The following NARS1 variants were observed in gnomAD, a reference collection of about 807,000 sequenced individuals.
NARS1 encodes the protein asparagine--tRNA ligase, cytoplasmic.
A neutral mutation model predicts 79.2 loss-of-function variants in NARS1; 65 were observed. That is an observed-to-expected ratio of 0.82 (90% CI 0.67 to 1.01). The LOEUF (loss-of-function observed/expected upper bound fraction) is 1.01. NARS1 is among the 50% of genes least tolerant of loss of function. NARS1 has a pLI of 0.00. For synonymous variants in NARS1, 229 were observed against 238.8 expected (o/e 0.96, Z 0.38); for missense variants, 649 against 673.8 (o/e 0.96, Z 0.41).
In NARS1 at chr18:57,602,453, C is replaced by T. The variant is rs199534815; in HGVS notation, c.1417G>A (p.Val473Met). 31 of 1,613,952 alleles carry T rather than the reference C, an allele frequency of 1.9e-5. No individual in the cohort carries two copies. In the East Asian group the frequency reaches 4.0e-4, roughly 21 times the overall value. ...DVLMPNVGEIVGGSMRIFDSE... is the reference protein window; with the variant it reads ...DVLMPNVGEIMGGSMRIFDSE... ...TCAAAGATACGCATTGAGCCTCCCA[C>T]AATCTCACCAACATTGGGCATCAAC... is the stretch of plus-strand genomic sequence containing the variant. Residue 473 changes from valine to methionine, a missense_variant, in exon 13 of 14, where the codon GTG becomes ATG. Physicochemically the swap from Val to Met is conservative, Grantham distance 21 (BLOSUM62 1). Coordinates refer to ENST00000256854, the MANE Select transcript of NARS1 (RefSeq NM_004539.4).
At chr18:57,601,866 GA>G in intron 13 of NARS1, 83 bp from the exon 14 acceptor site, 1 of 1,455,586 alleles carries the variant, frequency 6.9e-7, no homozygotes, top group Non-Finnish European at 9.5e-7. Context: ...TTTCCACCAT[GA>G]AAGGAGTTAG....
chr18:57,619,014 T>C (rs1908178141), intron 2 of NARS1, among the ~76,000 whole-genome samples: 1 of 152,210 alleles, frequency 6.6e-6, no homozygotes, highest in African/African-American at 2.4e-5. Flanking sequence ...AGATTAGGAC[T>C]TGATAGTAAC....
rs1006621318 is a variant in NARS1 at position 57,609,439 on chromosome 18, T to G, written c.497A>C (p.Gln166Pro). The change falls in exon 7 of 14, where the codon CAG (glutamine) becomes CCG (proline). Residue 166 changes from glutamine to proline, a missense_variant. Coordinates refer to ENST00000256854, the MANE Select transcript of NARS1 (RefSeq NM_004539.4). Reference sequence around the variant, plus strand: ...GGACAAGAGAACTCCATTGTAGCACTGACACTATAAAAAGGTCAAAGCTCA... The same window carrying G: ...GGACAAGAGAACTCCATTGTAGCACGGACACTATAAAAAGGTCAAAGCTCA... ...LQCVLADELC[Q>P]CYNGVLLSTE... The G allele has an allele frequency of 3.7e-6, 6 of 1,612,836 alleles. No individual in the cohort carries two copies. The highest frequency in any genetic ancestry group is 5.1e-6 in the Non-Finnish European group (6 of 1,179,386).
intron 2 of NARS1, among the ~76,000 whole-genome samples, chr18:57,618,374 T>C (rs1016532321): frequency 6.6e-6 from 1 of 151,898 alleles, no homozygotes; most frequent in African/African-American, 2.4e-5. Context: ...TCGTTCGGAA[T>C]TCACTTATTA....
In NARS1 at chr18:57,606,978, G is replaced by A. The variant is rs1013428055; in HGVS notation, c.1001+156C>T. The A allele has an allele frequency of 3.2e-5, 30 of 944,498 alleles. No individual in the cohort carries two copies. In the Admixed American group the frequency reaches 3.8e-4, roughly 12 times the overall value. The allele number at this position is 944,498 out of a possible 1,614,324, so 58.5% of individuals were successfully genotyped here. ...AAGTGAAAAAAGAGAACTTAGCTAC[G>A]ATCTAAGGTGGCAAAACTTTGTTAT... On this transcript the variant is annotated intron_variant, in intron 9 of 13. Transcript: ENST00000256854.
intron 11 of NARS1, among the ~76,000 whole-genome samples, chr18:57,603,529 A>T (rs891383042): frequency 6.6e-6 from 1 of 152,262 alleles, no homozygotes; most frequent in African/African-American, 2.4e-5. Flanking sequence ...CACCTGGAAT[A>T]GTTACCCAAA....
chr18:57,615,063 C>T (rs776642711), intron 4 of NARS1, among the ~76,000 whole-genome samples: 1 of 151,914 alleles, frequency 6.6e-6, no homozygotes, highest in Non-Finnish European at 1.5e-5. Flanking sequence ...TGCCTGTGGT[C>T]CCCCCTACTT....
chr18:57,615,682 T>C lies in NARS1; in HGVS notation c.301A>G (p.Ile101Val). The change falls in exon 4 of 14, where the codon ATT becomes GTT. Residue 101 changes from isoleucine (I) to valine (V), a missense_variant. Physicochemically the swap from Ile to Val is conservative, Grantham distance 29 (BLOSUM62 3). Coordinates refer to ENST00000256854, the MANE Select transcript of NARS1 (RefSeq NM_004539.4). ...AGACTTGGATCATTTTTAATGGTAA[T>C]CTTCTTTGCTTCTTCCAGGTTCTTT... ...REKNLEEAKK[I>V]TIKNDPSLPE... is the part of the protein sequence containing the mutation. 1.2e-6 allele frequency: 2 copies of C among 1,613,094 alleles called. No homozygotes were observed. Among genetic ancestry groups the C allele is most frequent in the Non-Finnish European group, 1.7e-6 (2 of 1,179,658 alleles).
intron 2 of NARS1, among the ~76,000 whole-genome samples, chr18:57,618,527 C>T (rs1275435917): frequency 6.6e-6 from 1 of 152,170 alleles, no homozygotes; most frequent in Non-Finnish European, 1.5e-5. Flanking sequence ...TTCATCTAAA[C>T]GGTGTTGTCA....
intron 10 of NARS1, 93 bp downstream of exon 10, chr18:57,606,523 C>G: frequency 7.9e-7 from 1 of 1,267,156 alleles, no homozygotes. Context: ...TTCAGCTCAC[C>G]AAGCCATCAA....
At chr18:57,613,451 C>T in intron 5 of NARS1, 151 bp downstream of exon 5, 1 of 635,832 alleles carries the variant, frequency 1.6e-6, no homozygotes. Context: ...CGAGATAGCA[C>T]CACTGCACTC....
intron 5 of NARS1, among the ~76,000 whole-genome samples, chr18:57,612,737 G>A (rs2051614997): frequency 6.6e-6 from 1 of 152,074 alleles, no homozygotes; most frequent in East Asian, 1.9e-4. Flanking sequence ...CACCTGGCCT[G>A]TCCCACTTTT....
Position 57,619,900 on chromosome 18 carries a change from C to G in NARS1, c.93+669G>C, listed in dbSNP as rs371205031. ...CCAGGATTTCACCAAGTTGCCCAAG[C>G]TGGTCTCAAACTCCTGCGCTGAAGC... On this transcript the variant is annotated intron_variant, in intron 2 of 13. Transcript: ENST00000256854. Among the ~76,000 whole-genome samples the G allele has an allele frequency of 2.0e-5, 3 of 152,230 alleles. No individual in the cohort carries two copies. In the East Asian group the frequency reaches 5.8e-4, roughly 29 times the overall value.
rs1908319118 is a variant in NARS1 at position 57,621,818 on chromosome 18, C to G, written c.-101G>C. On this transcript the variant is annotated 5_prime_UTR_variant, in exon 1 of 14. The change abolishes an upstream ATG in the 5' untranslated region. Transcript: ENST00000256854. ...GGCGGTTTCCGCGATTCCGGCGTTG[C>G]ATCAGAGAGCGTAGATCTGAGGGCG... is the stretch of plus-strand genomic sequence containing the variant. 1 of 1,589,430 alleles carries G rather than the reference C, an allele frequency of 6.3e-7. No individual in the cohort carries two copies. Among genetic ancestry groups the G allele is most frequent in the Non-Finnish European group, 8.5e-7 (1 of 1,170,850 alleles).
chr18:57,606,985 G>T, intron 9 of NARS1, 149 bp downstream of exon 9: 2 of 982,776 alleles, frequency 2.0e-6, no homozygotes, highest in Non-Finnish European at 3.0e-6. Flanking sequence ...TACGATCTAA[G>T]GTGGCAAAAC....
chr18:57,621,242 C>T (rs890472449), intron 1 of NARS1, among the ~76,000 whole-genome samples: 16 of 151,666 alleles, frequency 1.1e-4, no homozygotes, highest in Non-Finnish European at 2.4e-4. Flanking sequence ...TAACATCCAT[C>T]CAGGTCTCTC....
At chr18:57,610,448 G>C (rs2051595718) in intron 6 of NARS1, among the ~76,000 whole-genome samples, 1 of 152,122 alleles carries the variant, frequency 6.6e-6, no homozygotes, top group Non-Finnish European at 1.5e-5. Flanking sequence ...CTCCAGCATG[G>C]GTGACAGAGC....
At chr18:57,617,957 T>C (rs1442529852) in intron 2 of NARS1, among the ~76,000 whole-genome samples, 2 of 147,920 alleles carry the variant, frequency 1.4e-5, no homozygotes, top group African/African-American at 2.5e-5. Flanking sequence ...CAATAGTTCA[T>C]CCTTTTAACA....
intron 11 of NARS1, 131 bp from the exon 12 acceptor site, chr18:57,603,074 C>A: frequency 4.2e-6 from 3 of 712,204 alleles, no homozygotes; most frequent in South Asian, 2.2e-5. Flanking sequence ...TACCCTTAAC[C>A]CATACACATT....
Sources: allele counts gnomAD v4.1 joint callset (sites outside exome capture counted in the v4.1 genomes callset), GRCh38; gene constraint gnomAD v4.1.1; transcripts MANE v1.5; gene names NCBI Gene and HGNC (gene_info 2026-07-23, HGNC 2026-07-21).